Variants in PDE10A observed in about 807,000 individuals in gnomAD.
PDE10A encodes the protein cAMP and cAMP-inhibited cGMP 3',5'-cyclic phosphodiesterase 10A.
A neutral mutation model predicts 97.7 loss-of-function variants in PDE10A; 39 were observed. That is an observed-to-expected ratio of 0.40 (90% CI 0.31 to 0.52). PDE10A has a LOEUF of 0.52. PDE10A is among the 20% of genes least tolerant of loss of function. PDE10A has a pLI of 0.56. For missense variants in PDE10A, 731 were observed against 1,047.8 expected, an observed-to-expected ratio of 0.70 and a Z score of 4.17; for synonymous variants, 371 against 376.8, an observed-to-expected ratio of 0.98 and a Z score of 0.18.
chr6:165,777,594 C>T (rs1778221725), intron 1 of PDE10A, among the ~76,000 whole-genome samples: 1 of 152,226 alleles, frequency 6.6e-6, no homozygotes, highest in Non-Finnish European at 1.5e-5. Flanking sequence ...GAACGTCTCT[C>T]CTGTGGCTTC....
At chr6:165,857,610 CT>C (rs1562770406) in intron 1 of PDE10A, among the ~76,000 whole-genome samples, 20 of 8,050 alleles carry the variant, frequency 2.5e-3, no homozygotes, top group Admixed American at 3.9e-3. Flanking sequence ...TATGCAGAAG[CT>C]GAGAAGCTGA....
intron 1 of PDE10A, among the ~76,000 whole-genome samples, chr6:165,932,998 C>T (rs1783188977): frequency 6.6e-6 from 1 of 152,174 alleles, no homozygotes; most frequent in African/African-American, 2.4e-5. Flanking sequence ...CTGAGAGAGG[C>T]CTCTCCCCTG....
chr6:165,405,119 A>G (rs949090351), intron 13 of PDE10A, among the ~76,000 whole-genome samples: 7 of 152,166 alleles, frequency 4.6e-5, no homozygotes, highest in African/African-American at 1.7e-4. Context: ...TGTTCCTGTG[A>G]AATAAGAGAC....
rs200061269 is a variant in PDE10A, at chr6:165,428,759, A to G, written c.1602-50T>C. 49 of 660,790 alleles carry G rather than the reference A, an allele frequency of 7.4e-5. No homozygotes were observed. In the East Asian group the frequency reaches 1.1e-3, roughly 15 times the overall value. 40.9% of individuals were successfully genotyped at this position (660,790 alleles called of 1,614,324 possible). ...GTAAGTAATTTCATTAGTTCACAGT[A>G]CATATTACACTTTGAATTCATTTCC... On this transcript the variant is annotated intron_variant, in intron 9 of 21. Transcript: ENST00000539869.
chr6:165,328,350 T>C lies in PDE10A; in HGVS notation c.*4675A>G, dbSNP rs904994607. 1 of 152,234 alleles carries C rather than the reference T, an allele frequency of 6.6e-6. No individual in the cohort carries two copies. Among genetic ancestry groups the C allele is most frequent in the African/African-American group, 2.4e-5 (1 of 41,450 alleles). The allele number at this position is 152,234 out of a possible 1,614,324, so 9.4% of individuals were successfully genotyped here. On this transcript the variant is annotated 3_prime_UTR_variant, in exon 22 of 22. Coordinates refer to ENST00000539869, the MANE Select transcript of PDE10A (RefSeq NM_001385079.1). ...TATCAGATTATACACTTTTAGAACC[T>C]AACTTACAATAGAAACAAAACCCTT...
chr6:165,716,993 C>T (rs902826270), intron 1 of PDE10A, among the ~76,000 whole-genome samples: 5 of 152,178 alleles, frequency 3.3e-5, no homozygotes, highest in African/African-American at 4.8e-5. Flanking sequence ...ACACTAATTT[C>T]CCATTCCTCT....
chr6:165,376,693 C>A (rs1784623889), intron 18 of PDE10A, among the ~76,000 whole-genome samples: 1 of 152,058 alleles, frequency 6.6e-6, no homozygotes, highest in African/African-American at 2.4e-5. Context: ...GGTGGGAGGA[C>A]TGCTTGAGGC....
intron 1 of PDE10A, chr6:165,576,375 C>A: frequency 1.3e-6 from 1 of 780,442 alleles, no homozygotes; most frequent in Non-Finnish European, 2.4e-6. Flanking sequence ...AATGTCCCTT[C>A]TAAATTTCTT....
At chr6:165,957,256 G>A (rs896853238) in intron 1 of PDE10A, among the ~76,000 whole-genome samples, 22 of 152,292 alleles carry the variant, frequency 1.4e-4, no homozygotes, top group East Asian at 3.9e-4. Flanking sequence ...CAAAGTGGAA[G>A]GATCACTTGA....
intron 10 of PDE10A, among the ~76,000 whole-genome samples, chr6:165,425,769 T>TTGTGTGTGTGTGTGTGTG (rs766723327): frequency 1.9e-4 from 11 of 56,738 alleles, no homozygotes; most frequent in African/African-American, 7.4e-4. Context: ...GAAGGCATGA[T>TTGTGTGTGTGTGTGTGTG]CGTGTGTGTG....
chr6:165,343,196 C>T (rs1419368441), intron 19 of PDE10A, among the ~76,000 whole-genome samples, 195 bp downstream of exon 19: 1 of 152,204 alleles, frequency 6.6e-6, no homozygotes. Context: ...GAGAATTAGA[C>T]ACACATGTAA....
chr6:165,828,146 T>C (rs1400920287), intron 1 of PDE10A, among the ~76,000 whole-genome samples: 1 of 152,198 alleles, frequency 6.6e-6, no homozygotes, highest in African/African-American at 2.4e-5. Context: ...AGAGAAATAA[T>C]TCTAGCTAGA....
intron 1 of PDE10A, among the ~76,000 whole-genome samples, chr6:165,936,790 A>T (rs1022467928): frequency 6.6e-5 from 10 of 152,188 alleles, no homozygotes; most frequent in African/African-American, 2.4e-4. Flanking sequence ...CTTACTGGGG[A>T]GCCTCATTGT....
chr6:165,336,339 C>T (rs1346473963), intron 20 of PDE10A, 128 bp from the exon 21 acceptor site: 1 of 669,472 alleles, frequency 1.5e-6, no homozygotes, highest in Non-Finnish European at 2.7e-6. Flanking sequence ...TCTAGTTTTG[C>T]TGTATGTGAT....
intron 1 of PDE10A, among the ~76,000 whole-genome samples, chr6:165,933,350 C>T (rs755926978): frequency 2.0e-5 from 3 of 152,160 alleles, no homozygotes; most frequent in Non-Finnish European, 4.4e-5. Flanking sequence ...TCTTTTTAAG[C>T]ACCTTGCCTG....
At chr6:165,797,854 A>G (rs764391337) in intron 1 of PDE10A, among the ~76,000 whole-genome samples, 2 of 152,220 alleles carry the variant, frequency 1.3e-5, no homozygotes, top group Non-Finnish European at 2.9e-5. Flanking sequence ...AAATGTACTA[A>G]AAGGACCATG....
At chr6:165,814,327 G>T (rs923420936) in intron 1 of PDE10A, among the ~76,000 whole-genome samples, 1 of 152,098 alleles carries the variant, frequency 6.6e-6, no homozygotes, top group Non-Finnish European at 1.5e-5. Context: ...TCCACCGCCC[G>T]TAACATGGGG....
chr6:165,558,223 G>C (rs1268838103), intron 1 of PDE10A, among the ~76,000 whole-genome samples: 3 of 152,160 alleles, frequency 2.0e-5, no homozygotes, highest in Admixed American at 6.5e-5. Context: ...GTCAATGACA[G>C]ACTGGATAAA....
At chr6:165,856,787 T>G (rs1301272117) in intron 1 of PDE10A, among the ~76,000 whole-genome samples, 2 of 152,202 alleles carry the variant, frequency 1.3e-5, no homozygotes, top group African/African-American at 4.8e-5. Context: ...GTTCATAAAT[T>G]TTCTCTGTTT....
Sources: gnomAD v4.1 joint callset for allele counts (sites outside exome capture counted in the v4.1 genomes callset) on GRCh38, gnomAD v4.1.1 for gene constraint, MANE v1.5 for transcripts, NCBI Gene and HGNC (gene_info 2026-07-23, HGNC 2026-07-21) for gene names.